LHFPL3: variants seen among roughly 807,000 people sequenced by gnomAD.
LHFPL3 encodes the protein LHFPL tetraspan subfamily member 3 protein.
Under a neutral mutation model 19.3 loss-of-function variants are expected in LHFPL3, and 5 were observed. That is an observed-to-expected ratio of 0.26 (90% confidence interval 0.14 to 0.54). The LOEUF (loss-of-function observed/expected upper bound fraction) is 0.54, where lower values mean the gene tolerates loss of function less well. Ranked by LOEUF, LHFPL3 falls within the 20% of genes least tolerant of loss-of-function variation. The pLI is 0.94. For synonymous variants in LHFPL3, 133 were observed against 126.2 expected (o/e 1.05, Z -0.36); for missense variants, 249 against 307.4 (o/e 0.81, Z 1.42).
At chr7:104,446,316 G>A (rs1422683709) in intron 1 of LHFPL3, among the ~76,000 whole-genome samples, 4 of 152,128 alleles carry the variant, frequency 2.6e-5, no homozygotes, top group African/African-American at 9.7e-5. Context: ...TGTGGCCACT[G>A]GAAGACCTTG....
At chr7:104,621,091 T>G (rs528861803) in intron 1 of LHFPL3, among the ~76,000 whole-genome samples, 3 of 152,118 alleles carry the variant, frequency 2.0e-5, no homozygotes, top group African/African-American at 7.2e-5. Flanking sequence ...TTTTCAAGAG[T>G]TTCTTTACCT....
intron 1 of LHFPL3, among the ~76,000 whole-genome samples, chr7:104,575,559 TAAAAAAAAAAAAAAA>T (rs58118006): frequency 8.3e-5 from 3 of 36,148 alleles, no homozygotes; most frequent in Non-Finnish European, 1.8e-4. Context: ...CAAAGAGATC[TAAAAAAAAAAAAAAA>T]AAAAAAAAAA....
At chr7:104,650,357 G>T (rs985858442) in intron 1 of LHFPL3, among the ~76,000 whole-genome samples, 13 of 152,192 alleles carry the variant, frequency 8.5e-5, no homozygotes, top group African/African-American at 3.1e-4. Flanking sequence ...GCAAGGAAGA[G>T]GCACTTAGCA....
Position 104,542,173 on chromosome 7 carries a change from C to T in LHFPL3, c.446-194502C>T, listed in dbSNP as rs138832232. 2.9e-3 allele frequency among the ~76,000 whole-genome samples: 446 copies of T among 152,102 alleles called. 2 individuals carry two copies. The highest frequency in any genetic ancestry group is 3.5e-3 in the South Asian group (17 of 4,800). ...AGAGCAGCAGAAATGACTGCCAAAA[C>T]GAGGCGTGGCTTGGGTTTTTGAGGC... On this transcript the variant is annotated intron_variant, in intron 1 of 2. Transcript: ENST00000424859.
At chr7:104,879,186 G>T (rs990720595) in intron 2 of LHFPL3, among the ~76,000 whole-genome samples, 1 of 152,200 alleles carries the variant, frequency 6.6e-6, no homozygotes, top group Non-Finnish European at 1.5e-5. Context: ...GGAGGCCAAG[G>T]TGGGCAGATC....
intron 2 of LHFPL3, among the ~76,000 whole-genome samples, chr7:104,769,986 A>G (rs1794524930): frequency 1.3e-5 from 2 of 152,246 alleles, no homozygotes; most frequent in South Asian, 4.2e-4. Context: ...CACCAAGACA[A>G]TTGCTTATAA....
At chr7:104,541,395 C>T (rs574730607) in intron 1 of LHFPL3, among the ~76,000 whole-genome samples, 31 of 152,258 alleles carry the variant, frequency 2.0e-4, no homozygotes, top group African/African-American at 7.2e-4. Flanking sequence ...CCAGATGATA[C>T]ATGTTGAGTA....
chr7:104,574,711 A>G (rs1790290412), intron 1 of LHFPL3, among the ~76,000 whole-genome samples: 1 of 152,210 alleles, frequency 6.6e-6, no homozygotes, highest in South Asian at 2.1e-4. Context: ...AATGATATAT[A>G]AGGGATCTTT....
Position 104,474,571 on chromosome 7 carries a change from G to A in LHFPL3, c.445+145347G>A, listed in dbSNP as rs556826479. 2.7e-3 allele frequency among the ~76,000 whole-genome samples: 411 copies of A among 151,812 alleles called. 2 individuals are homozygous for A. The highest frequency in any genetic ancestry group is 9.4e-3 in the African/African-American group (387 of 41,358). On this transcript the variant is annotated intron_variant, in intron 1 of 2. Coordinates refer to ENST00000424859, the MANE Select transcript of LHFPL3 (RefSeq NM_199000.3). Reference sequence around the variant, plus strand: ...AGTCCCAGCTACTTGGGAGGCTGAGGCATGAGAATGGCGTGAACCCGGGAG... The same window carrying A: ...AGTCCCAGCTACTTGGGAGGCTGAGACATGAGAATGGCGTGAACCCGGGAG...
At chr7:104,391,155 C>A (rs376392045) in intron 1 of LHFPL3, among the ~76,000 whole-genome samples, 1 of 152,062 alleles carries the variant, frequency 6.6e-6, no homozygotes, top group East Asian at 1.9e-4. Flanking sequence ...TCTGATGGTA[C>A]TTTCTTTTGC....
chr7:104,739,865 A>C (rs1445912105), intron 2 of LHFPL3, among the ~76,000 whole-genome samples: 13 of 152,226 alleles, frequency 8.5e-5, no homozygotes, highest in Admixed American at 8.5e-4. Flanking sequence ...TCTGAAAGGG[A>C]TACACACTGT....
chr7:104,605,248 C>T (rs1791071481), intron 1 of LHFPL3, among the ~76,000 whole-genome samples: 1 of 152,086 alleles, frequency 6.6e-6, no homozygotes, highest in South Asian at 2.1e-4. Flanking sequence ...TAAAGACTAT[C>T]CTTTAACCTC....
intron 1 of LHFPL3, among the ~76,000 whole-genome samples, chr7:104,607,885 A>G (rs1436001744): frequency 2.6e-5 from 4 of 152,334 alleles, no homozygotes; most frequent in African/African-American, 7.2e-5. Context: ...CAAAAAACAC[A>G]TGAAAAAAAA....
chr7:104,382,806 T>G (rs1034695170), intron 1 of LHFPL3, among the ~76,000 whole-genome samples: 5 of 152,210 alleles, frequency 3.3e-5, no homozygotes, highest in African/African-American at 1.2e-4. Context: ...AGCCAAATGG[T>G]CTTGATTACC....
intron 1 of LHFPL3, among the ~76,000 whole-genome samples, chr7:104,462,057 A>G (rs1277770388): frequency 3.3e-5 from 5 of 152,168 alleles, no homozygotes; most frequent in Non-Finnish European, 7.4e-5. Flanking sequence ...TGTTGGTGGT[A>G]TATAAGAATG....
intron 1 of LHFPL3, among the ~76,000 whole-genome samples, chr7:104,335,724 T>G (rs896741022): frequency 2.6e-5 from 4 of 152,144 alleles, no homozygotes; most frequent in Non-Finnish European, 5.9e-5. Context: ...ATCAGAGGCT[T>G]AATATGAAAA....
At chr7:104,625,116 A>T (rs979970645) in intron 1 of LHFPL3, among the ~76,000 whole-genome samples, 1 of 152,230 alleles carries the variant, frequency 6.6e-6, no homozygotes, top group Non-Finnish European at 1.5e-5. Context: ...TCTGCAAATC[A>T]TATGCAGTTG....
intron 2 of LHFPL3, among the ~76,000 whole-genome samples, chr7:104,814,992 T>C (rs948853814): frequency 6.6e-6 from 1 of 152,142 alleles, no homozygotes; most frequent in South Asian, 2.1e-4. Flanking sequence ...CAGCTGCAGC[T>C]GCGCCTGGGC....
chr7:104,668,655 G>A, intron 1 of LHFPL3: 1 of 1,611,986 alleles, frequency 6.2e-7, no homozygotes, highest in Non-Finnish European at 8.5e-7. Context: ...CAGACGGGAT[G>A]ATCGGTCGTG....
Sources: gnomAD v4.1 joint callset for allele counts (sites outside exome capture counted in the v4.1 genomes callset) on GRCh38, gnomAD v4.1.1 for gene constraint, MANE v1.5 for transcripts, NCBI Gene and HGNC (gene_info 2026-07-23, HGNC 2026-07-21) for gene names.